The following NFIB variants were observed in gnomAD, a reference collection of about 807,000 sequenced individuals.
NFIB encodes nuclear factor I B.
Under a neutral mutation model 61.5 loss-of-function variants are expected in NFIB, and 11 were observed. The ratio of observed to expected loss-of-function variants is 0.18; its 90% CI spans 0.11 to 0.30. The LOEUF is 0.30. NFIB is among the 10% of genes least tolerant of loss of function. The pLI is 1.00. For synonymous variants in NFIB, 260 were observed against 216.5 expected, an observed-to-expected ratio of 1.20 and a Z score of -1.76; for missense variants, 471 against 608.9, an observed-to-expected ratio of 0.77 and a Z score of 2.38.
the NFIB span, among the ~76,000 whole-genome samples, chr9:14,485,643 T>C: frequency 6.6e-6 from 1 of 152,004 alleles, no homozygotes; most frequent in Admixed American, 6.5e-5. Flanking sequence ...GAGAGGCCAA[T>C]GTAGGTCGAT....
the NFIB span, among the ~76,000 whole-genome samples, chr9:14,426,357 G>A: frequency 6.6e-6 from 1 of 152,116 alleles, no homozygotes; most frequent in African/African-American, 2.4e-5. Flanking sequence ...ATCCCATGAG[G>A]CTTTTCTCAT....
chr9:14,282,800 G>T (rs1414836135), intron 2 of NFIB, among the ~76,000 whole-genome samples: 1 of 152,184 alleles, frequency 6.6e-6, no homozygotes, highest in African/African-American at 2.4e-5. Flanking sequence ...CTCATGCAGG[G>T]CTTCAGACCT....
intron 2 of NFIB, among the ~76,000 whole-genome samples, chr9:14,243,039 A>G (rs1039624897): frequency 6.6e-6 from 1 of 152,216 alleles, no homozygotes; most frequent in Non-Finnish European, 1.5e-5. Context: ...TTATTTGTAC[A>G]GTATGTCGGT....
At chr9:14,267,253 A>T (rs1278909774) in intron 2 of NFIB, among the ~76,000 whole-genome samples, 3 of 152,202 alleles carry the variant, frequency 2.0e-5, no homozygotes, top group Non-Finnish European at 4.4e-5. Flanking sequence ...TTTTACATAT[A>T]AAATATTTTT....
chr9:14,255,616 T>C (rs78350718), intron 2 of NFIB, among the ~76,000 whole-genome samples: 5,464 of 152,284 alleles, frequency 0.036, 347 homozygotes, highest in African/African-American at 0.12. Flanking sequence ...AATTGCTCTA[T>C]AGGTAGTGAC....
chr9:14,385,251 A>T (rs1003148477), intron 1 of NFIB, among the ~76,000 whole-genome samples: 1 of 152,218 alleles, frequency 6.6e-6, no homozygotes, highest in Non-Finnish European at 1.5e-5. Flanking sequence ...AACTTAACCA[A>T]GATCAGGCCG....
intron 2 of NFIB, among the ~76,000 whole-genome samples, chr9:14,185,982 T>C (rs1309419974): frequency 6.6e-6 from 1 of 152,244 alleles, no homozygotes; most frequent in African/African-American, 2.4e-5. Flanking sequence ...AAGAAAGTTT[T>C]AATGACCTTT....
At chr9:14,210,135 C>G (rs922184611) in intron 2 of NFIB, among the ~76,000 whole-genome samples, 1 of 152,154 alleles carries the variant, frequency 6.6e-6, no homozygotes, top group African/African-American at 2.4e-5. Context: ...ACAATGCCAT[C>G]TGTTCTCATT....
At chr9:14,185,109 T>C (rs1023860567) in intron 2 of NFIB, among the ~76,000 whole-genome samples, 2 of 152,186 alleles carry the variant, frequency 1.3e-5, no homozygotes, top group Non-Finnish European at 1.5e-5. Flanking sequence ...CTATGCCATG[T>C]AGAAGCTCAG....
intron 2 of NFIB, among the ~76,000 whole-genome samples, chr9:14,304,630 G>A (rs1431088672): frequency 1.3e-5 from 2 of 152,190 alleles, no homozygotes; most frequent in African/African-American, 4.8e-5. Flanking sequence ...TCTTTCTGCT[G>A]CAAACATTAC....
chr9:14,407,897 G>A, the NFIB span, among the ~76,000 whole-genome samples: 6 of 152,016 alleles, frequency 3.9e-5, no homozygotes, highest in Non-Finnish European at 7.4e-5. Context: ...GTGTTGCCTC[G>A]GTAGGTCTTG....
At chr9:14,258,269 T>C (rs1587974882) in intron 2 of NFIB, among the ~76,000 whole-genome samples, 1 of 152,218 alleles carries the variant, frequency 6.6e-6, no homozygotes, top group South Asian at 2.1e-4. Flanking sequence ...TGGATACTTA[T>C]TAGTAAGGGA....
At chr9:14,146,229 T>C (rs913446902) in intron 6 of NFIB, among the ~76,000 whole-genome samples, 2 of 152,170 alleles carry the variant, frequency 1.3e-5, no homozygotes, top group South Asian at 2.1e-4. Context: ...ATTACACTTT[T>C]CTTTATTGTA....
At chr9:14,476,001 C>T in the NFIB span, among the ~76,000 whole-genome samples, 2 of 152,104 alleles carry the variant, frequency 1.3e-5, no homozygotes, top group Admixed American at 6.5e-5. Context: ...AAAAATTGGA[C>T]TTAACAAATC....
the NFIB span, among the ~76,000 whole-genome samples, chr9:14,490,522 G>A: frequency 6.6e-6 from 1 of 152,116 alleles, no homozygotes; most frequent in African/African-American, 2.4e-5. Flanking sequence ...GTGAAAAGAT[G>A]CCAAAATATG....
At chr9:14,338,257 G>A (rs1468251526) in intron 1 of NFIB, among the ~76,000 whole-genome samples, 1 of 152,158 alleles carries the variant, frequency 6.6e-6, no homozygotes, top group Non-Finnish European at 1.5e-5. Flanking sequence ...AGCCGGGCAT[G>A]GTGGCGGGCG....
chr9:14,148,753 C>T (rs1665613631), intron 5 of NFIB, among the ~76,000 whole-genome samples: 1 of 152,164 alleles, frequency 6.6e-6, no homozygotes, highest in Non-Finnish European at 1.5e-5. Context: ...TTTGTAGATA[C>T]TCATGATTAA....
the NFIB span, among the ~76,000 whole-genome samples, chr9:14,489,945 A>C: frequency 1.3e-5 from 2 of 152,082 alleles, no homozygotes; most frequent in Non-Finnish European, 2.9e-5. Context: ...TTTTCAATTT[A>C]GGTGGTTTTG....
rs117873009 is a variant in NFIB, at chr9:14,275,797, C to T, written c.562+31192G>A. On this transcript the variant is annotated intron_variant, in intron 2 of 10. Coordinates refer to ENST00000380953, the MANE Select transcript of NFIB (RefSeq NM_001190737.2). ...TACGGCAGTAAGAACTAAGTCCCTC[C>T]TCCCTCACTTCCCTATCTCTATTTT... Among the ~76,000 whole-genome samples the T allele has an allele frequency of 5.3e-5, 8 of 152,214 alleles. No homozygotes were observed. In the East Asian group the frequency reaches 1.5e-3, roughly 29 times the overall value.
Sources: allele counts gnomAD v4.1 joint callset (sites outside exome capture counted in the v4.1 genomes callset), GRCh38; gene constraint gnomAD v4.1.1; transcripts MANE v1.5; gene names NCBI Gene and HGNC (gene_info 2026-07-23, HGNC 2026-07-21).